Variants in SLC12A7 observed in about 807,000 individuals in gnomAD.
SLC12A7 encodes the protein K-Cl cotransporter 4.
A neutral mutation model predicts 120.6 loss-of-function variants in SLC12A7; 100 were observed. That is an observed-to-expected ratio of 0.83 (90% confidence interval 0.71 to 0.98). The LOEUF is 0.98. Among genes scored for constraint, SLC12A7 ranks in the 50% least tolerant of loss-of-function variants. The pLI is 0.00. For synonymous variants in SLC12A7, 760 were observed against 678.0 expected, an observed-to-expected ratio of 1.12 and a Z score of -1.88; for missense variants, 1,373 against 1,548.1, an observed-to-expected ratio of 0.89 and a Z score of 1.90.
At position 1,112,007 on chromosome 5, in the gene SLC12A7, A is replaced by C. The variant is rs763694689; in HGVS notation, c.-16T>G. 1 of 1,265,004 alleles carries C rather than the reference A, an allele frequency of 7.9e-7. No homozygotes were observed. The highest frequency in any genetic ancestry group is 3.0e-5 in the East Asian group (1 of 32,892). The allele number at this position is 1,265,004 out of a possible 1,614,324, so 78.4% of individuals were successfully genotyped here. ...TGGTGGGCATGGCCGCCTGCAGCCG[A>C]CAGTCCCCGTCCCGGCCCGGCCCGC... On this transcript the variant is annotated 5_prime_UTR_variant, in exon 1 of 24. Transcript: ENST00000264930.
chr5:1,149,491 C>G, the SLC12A7 span, among the ~76,000 whole-genome samples: 2 of 152,162 alleles, frequency 1.3e-5, no homozygotes, highest in Non-Finnish European at 2.9e-5. Flanking sequence ...GCAAGATAAT[C>G]ACTTGAACCC....
chr5:1,106,004 G>A (rs1020300938), intron 1 of SLC12A7, among the ~76,000 whole-genome samples: 3 of 152,170 alleles, frequency 2.0e-5, no homozygotes, highest in East Asian at 1.9e-4. Flanking sequence ...CCCACCACAC[G>A]GCCGTCACAA....
At chr5:1,079,868 G>A (rs1292348733) in intron 9 of SLC12A7, among the ~76,000 whole-genome samples, 2 of 152,202 alleles carry the variant, frequency 1.3e-5, no homozygotes, top group Admixed American at 1.3e-4. Flanking sequence ...AAGGACTTTG[G>A]GAATGAGATC....
chr5:1,099,893 G>A (rs750941276), intron 1 of SLC12A7, among the ~76,000 whole-genome samples: 11 of 152,192 alleles, frequency 7.2e-5, no homozygotes, highest in Middle Eastern at 3.2e-3. Flanking sequence ...GCAGGAGTGC[G>A]CAGGGGAATT....
chr5:1,061,552 C>T (rs1352719570), intron 20 of SLC12A7, among the ~76,000 whole-genome samples: 1 of 147,682 alleles, frequency 6.8e-6, no homozygotes, highest in African/African-American at 2.5e-5. Flanking sequence ...GGGACCCCTG[C>T]GTCTCACCCA....
rs1738123582 is a variant in SLC12A7 at position 1,074,690 on chromosome 5, G to C, written c.1968-19C>G. ...CTCGGCCCTGTGGGAAAGGAAGTCG[G>C]GGTTTGTCCAGCCGCGTACCTGGAG... On this transcript the variant is annotated intron_variant, in intron 15 of 23. Coordinates refer to ENST00000264930, the MANE Select transcript of SLC12A7 (RefSeq NM_006598.3). The C allele has an allele frequency of 1.9e-6, 3 of 1,610,592 alleles. No homozygotes were observed. Among genetic ancestry groups the C allele is most frequent in the African/African-American group, 2.7e-5 (2 of 74,874 alleles).
At chr5:1,150,307 T>C in the SLC12A7 span, among the ~76,000 whole-genome samples, 1 of 133,954 alleles carries the variant, frequency 7.5e-6, no homozygotes, top group Non-Finnish European at 1.6e-5. Flanking sequence ...GATAGAGCCA[T>C]GCAGGAGCCG....
chr5:1,107,510 G>T (rs1156822368), intron 1 of SLC12A7, among the ~76,000 whole-genome samples: 2 of 152,170 alleles, frequency 1.3e-5, no homozygotes, highest in South Asian at 2.1e-4. Context: ...GGTCCCTCAG[G>T]TGCCTCTGCT....
intron 1 of SLC12A7, among the ~76,000 whole-genome samples, chr5:1,099,163 A>G (rs1200617191): frequency 3.9e-5 from 6 of 152,138 alleles, no homozygotes; most frequent in Non-Finnish European, 8.8e-5. Flanking sequence ...GGGGCGAGGG[A>G]TGGCCCAACA....
At chr5:1,139,669 G>C in the SLC12A7 span, among the ~76,000 whole-genome samples, 2 of 152,244 alleles carry the variant, frequency 1.3e-5, no homozygotes, top group African/African-American at 4.8e-5. Flanking sequence ...TGCCTTCCCC[G>C]AGTGCACACG....
intron 3 of SLC12A7, among the ~76,000 whole-genome samples, chr5:1,092,621 C>G (rs995111738): frequency 2.0e-5 from 3 of 152,174 alleles, no homozygotes; most frequent in African/African-American, 7.2e-5. Flanking sequence ...GAGGGGGGCA[C>G]AGGCTCGGGG....
At chr5:1,063,740 TC>T (rs1293154603) in intron 20 of SLC12A7, 103 bp downstream of exon 20, 3 of 23,848 alleles carry the variant, frequency 1.3e-4, no homozygotes, top group Non-Finnish European at 2.5e-4. Flanking sequence ...GATCTCCACT[TC>T]CCCCTCCACC....
intron 1 of SLC12A7, among the ~76,000 whole-genome samples, chr5:1,105,872 C>T (rs115928444): frequency 0.02 from 3,094 of 152,238 alleles, 103 homozygotes; most frequent in African/African-American, 0.071. Flanking sequence ...TCCTGAATGC[C>T]GTCCACGCCC....
intron 7 of SLC12A7, among the ~76,000 whole-genome samples, chr5:1,084,634 G>A (rs1454766402): frequency 6.6e-6 from 1 of 152,224 alleles, no homozygotes; most frequent in Non-Finnish European, 1.5e-5. Context: ...AAACGGGCTT[G>A]TGGGGTTGCA....
At position 1,061,008 on chromosome 5, in the gene SLC12A7, C is replaced by CTG. The variant is rs1561034577; in HGVS notation, c.2740-558_2740-557insCA. ...CCCACTGCACCTGCCGTGCAGGATC[C>CTG]CTGAGTCTCACCCGCCGCACCCGCC... On this transcript the variant is annotated intron_variant, in intron 20 of 23. Transcript: ENST00000264930. Among the ~76,000 whole-genome samples, 492 of 136,538 alleles carry CTG rather than the reference C, an allele frequency of 3.6e-3. 5 individuals are homozygous for CTG. The highest frequency in any genetic ancestry group is 0.013 in the African/African-American group (450 of 34,046). 89.6% of individuals were successfully genotyped at this position (136,538 alleles called of 152,430 possible).
chr5:1,105,122 C>G (rs1391354760), intron 1 of SLC12A7, among the ~76,000 whole-genome samples: 1 of 150,744 alleles, frequency 6.6e-6, no homozygotes, highest in African/African-American at 2.4e-5. Context: ...GGGACCCTCC[C>G]CGCAGGGATG....
chr5:1,117,315 G>A, the SLC12A7 span, among the ~76,000 whole-genome samples: 102 of 152,306 alleles, frequency 6.7e-4, no homozygotes, highest in Non-Finnish European at 2.6e-4. This position sits in a 1 kb window ranked among gnomAD's most constrained non-coding sequence, Gnocchi z 4.5. Flanking sequence ...AATTATCACC[G>A]TTGGTGGAAG....
At chr5:1,078,028 G>A (rs569433617) in intron 11 of SLC12A7, 21 bp from the exon 12 acceptor site, 113 of 1,539,442 alleles carry the variant, frequency 7.3e-5, no homozygotes, top group Non-Finnish European at 8.4e-5. Flanking sequence ...GCGGGCAGGC[G>A]GGCGGGCGGC....
At chr5:1,063,681 GATCT>G (rs1736571817) in intron 20 of SLC12A7, among the ~76,000 whole-genome samples, 159 bp downstream of exon 20, 5 of 4,564 alleles carry the variant, frequency 1.1e-3, no homozygotes, top group Admixed American at 2.5e-3. Flanking sequence ...CAGCCCTCCC[GATCT>G]CCACTTCCCC....
Sources: gnomAD v4.1 joint callset for allele counts (sites outside exome capture counted in the v4.1 genomes callset) on GRCh38, gnomAD v4.1.1 for gene constraint, Gnocchi (gnomAD v3.1) non-coding constraint, MANE v1.5 for transcripts, NCBI Gene and HGNC (gene_info 2026-07-23, HGNC 2026-07-21) for gene names.